Variants in GINS3 observed in about 807,000 individuals in gnomAD.
The protein encoded by GINS3 is GINS complex subunit 3, also known as DNA replication complex GINS protein PSF3.
A neutral mutation model predicts 20.0 loss-of-function variants in GINS3; 18 were observed. The ratio of observed to expected loss-of-function variants is 0.90; its 90% confidence interval spans 0.62 to 1.33. GINS3 has a LOEUF of 1.33. Ranked by LOEUF, GINS3 falls within the 40% of genes most tolerant of loss-of-function variation. The probability of loss-of-function intolerance (pLI) is 0.00; values close to 1 mark genes in which losing one functional copy is unlikely to be tolerated. For missense variants in GINS3, 254 were observed against 273.6 expected, an observed-to-expected ratio of 0.93 and a Z score of 0.51; for synonymous variants, 109 against 107.0, an observed-to-expected ratio of 1.02 and a Z score of -0.12.
intron 1 of GINS3, among the ~76,000 whole-genome samples, chr16:58,397,890 G>C (rs1384287218): frequency 8.5e-5 from 13 of 152,134 alleles, no homozygotes; most frequent in Non-Finnish European, 5.9e-5. Flanking sequence ...ACAATGTTCA[G>C]AATTTCCTTT....
chr16:58,404,504 T>C lies in GINS3; in HGVS notation c.426T>C (p.Phe142=), dbSNP rs774392699. The C allele has an allele frequency of 6.2e-7, 1 of 1,613,644 alleles. No homozygotes were observed. Among genetic ancestry groups the C allele is most frequent in the Admixed American group, 1.7e-5 (1 of 60,024 alleles). Residue 142 remains phenylalanine, a synonymous_variant, in exon 3 of 3, where the codon TTT becomes TTC. Coordinates refer to ENST00000318129, the MANE Select transcript of GINS3 (RefSeq NM_022770.4). ...CTTACTCCCTTGTTTCCCAGACTTT[T>C]ATCGGACGTTTTCGCCGCATCATGG... ...ADISQSLLQT[F]IGRFRRIMDS...
chr16:58,392,622 A>G lies in GINS3; in HGVS notation c.21A>G (p.Arg7=), dbSNP rs766810427. 1 of 1,614,024 alleles carries G rather than the reference A, an allele frequency of 6.2e-7. No homozygotes were observed. Among genetic ancestry groups the G allele is most frequent in the African/African-American group, 1.3e-5 (1 of 74,922 alleles). Residue 7 remains arginine, a synonymous_variant, in exon 1 of 3, where the codon CGA becomes CGG. Transcript: ENST00000318129. The part of the protein sequence containing the change: MSEAYF[R]VESGALGPEE... ...CCGCCATGTCAGAGGCTTATTTCCG[A>G]GTGGAGTCGGGTGCGCTGGGGCCTG...
At chr16:58,396,246 G>A (rs1317335455) in intron 1 of GINS3, among the ~76,000 whole-genome samples, 2 of 130,448 alleles carry the variant, frequency 1.5e-5, no homozygotes, top group African/African-American at 3.0e-5. Context: ...CAGACGGGGC[G>A]GCTGGCCGGG....
intron 1 of GINS3, among the ~76,000 whole-genome samples, chr16:58,398,143 C>T (rs1223475327): frequency 3.3e-5 from 5 of 152,126 alleles, no homozygotes; most frequent in African/African-American, 1.2e-4. Context: ...CCACCACACA[C>T]ACACACACAG....
At chr16:58,394,358 TG>T (rs987154842) in intron 1 of GINS3, among the ~76,000 whole-genome samples, 2 of 152,176 alleles carry the variant, frequency 1.3e-5, no homozygotes, top group Non-Finnish European at 1.5e-5. Context: ...TTTTTTTGTT[TG>T]TTTTTTTGAC....
intron 1 of GINS3, among the ~76,000 whole-genome samples, chr16:58,393,162 T>A (rs1303616986): frequency 6.6e-6 from 1 of 152,240 alleles, no homozygotes; most frequent in Non-Finnish European, 1.5e-5. Flanking sequence ...ATGTTTGCCT[T>A]AAAACAGCTT....
At chr16:58,396,757 G>C (rs1302912719) in intron 1 of GINS3, among the ~76,000 whole-genome samples, 2 of 120,858 alleles carry the variant, frequency 1.7e-5, no homozygotes, top group African/African-American at 3.3e-5. Context: ...CTGGCCGGGC[G>C]GGGGGCTGAC....
At position 58,404,839 on chromosome 16, in the gene GINS3, A is replaced by G. The variant is rs926886292; in HGVS notation, c.*110A>G. ...AGAATCCTGTCCCATTTCATGGCTT[A>G]TTTCCTGTGGCCATAGAGAATTATA... On this transcript the variant is annotated 3_prime_UTR_variant, in exon 3 of 3. Transcript: ENST00000318129. 1.3e-6 allele frequency: 1 copy of G among 760,266 alleles called. No individual in the cohort carries two copies. Among genetic ancestry groups the G allele is most frequent in the Non-Finnish European group, 2.2e-6 (1 of 457,238 alleles). The allele number at this position is 760,266 out of a possible 1,614,324, so 47.1% of individuals were successfully genotyped here. A position where few individuals can be genotyped will look rare whatever the true frequency, so the allele number is the denominator to read the frequency against.
At chr16:58,394,327 G>A (rs989916651) in intron 1 of GINS3, among the ~76,000 whole-genome samples, 2 of 151,888 alleles carry the variant, frequency 1.3e-5, no homozygotes, top group African/African-American at 2.4e-5. Flanking sequence ...TGGTTTGGGG[G>A]TAGTTTTGTT....
In GINS3 at chr16:58,398,902, A is replaced by G. The variant is rs552229136; in HGVS notation, c.187-4196A>G. ...TCTGTGTGGACTTGAAAAGATGTCT[A>G]TGGGAAGTCATAGTGTGCAATAAAT... is the stretch of plus-strand genomic sequence containing the variant. On this transcript the variant is annotated intron_variant, in intron 1 of 2. Coordinates refer to ENST00000318129, the MANE Select transcript of GINS3 (RefSeq NM_022770.4). Among the ~76,000 whole-genome samples the G allele has an allele frequency of 3.9e-5, 6 of 152,342 alleles. No individual in the cohort carries two copies. The South Asian group carries it at 8.3e-4, about 21-fold the overall frequency.
intron 1 of GINS3, among the ~76,000 whole-genome samples, chr16:58,398,451 T>A (rs1028408818): frequency 6.6e-6 from 1 of 151,814 alleles, no homozygotes; most frequent in Non-Finnish European, 1.5e-5. Flanking sequence ...CTACAAAAAA[T>A]TTTTTAAAAA....
At chr16:58,401,687 C>T (rs1036722248) in intron 1 of GINS3, among the ~76,000 whole-genome samples, 14 of 152,236 alleles carry the variant, frequency 9.2e-5, no homozygotes, top group African/African-American at 3.1e-4. Flanking sequence ...GAAGCCCAGC[C>T]GGCTTCACCT....
At chr16:58,395,882 G>T (rs1013289427) in intron 1 of GINS3, among the ~76,000 whole-genome samples, 18 of 151,908 alleles carry the variant, frequency 1.2e-4, no homozygotes, top group Admixed American at 1.3e-4. Flanking sequence ...CGGGCAGAGG[G>T]GCTCCTCACT....
chr16:58,405,791 C>T lies in GINS3; in HGVS notation c.*1062C>T, dbSNP rs1001083517. On this transcript the variant is annotated 3_prime_UTR_variant, in exon 3 of 3. Transcript: ENST00000318129. ...CAGGTTGAGAAAGAAACAGGGTTCC[C>T]TGGGCCCATTAGACTGTTTGCAGGG... is the stretch of plus-strand genomic sequence containing the variant. 2 of 152,166 alleles carry T rather than the reference C, an allele frequency of 1.3e-5. No homozygotes were observed. Among genetic ancestry groups the T allele is most frequent in the East Asian group, 3.9e-4 (2 of 5,192 alleles). The allele number at this position is 152,166 out of a possible 1,614,324, so 9.4% of individuals were successfully genotyped here.
At chr16:58,402,979 C>A in intron 1 of GINS3, 119 bp from the exon 2 acceptor site, 1 of 753,086 alleles carries the variant, frequency 1.3e-6, no homozygotes, top group Non-Finnish European at 2.2e-6. Context: ...CTGTGCTTGA[C>A]AGCCACTCCC....
At position 58,392,805 on chromosome 16, in the gene GINS3, G is replaced by A. The variant is rs765871438; in HGVS notation, c.186+18G>A. Reference sequence around the variant, plus strand: ...TCCCACAGGTGAGCCTTTGGGTGCGGGGTCCTGCCCGGAAAGACTGCAGCT... The same window carrying A: ...TCCCACAGGTGAGCCTTTGGGTGCGAGGTCCTGCCCGGAAAGACTGCAGCT... On this transcript the variant is annotated intron_variant, in intron 1 of 2. Coordinates refer to ENST00000318129, the MANE Select transcript of GINS3 (RefSeq NM_022770.4). 51 of 1,576,926 alleles carry A rather than the reference G, an allele frequency of 3.2e-5. No homozygotes were observed. The East Asian group carries it at 1.0e-3, about 31-fold the overall frequency.
chr16:58,396,881 G>GGCGGGGGGCTGACCCCCCC (rs1191728388), intron 1 of GINS3, among the ~76,000 whole-genome samples: 63 of 147,508 alleles, frequency 4.3e-4, no homozygotes, highest in African/African-American at 1.5e-3. Flanking sequence ...CGGCTGGCCG[G>GGCGGGGGGCTGACCCCCCC]GCGGGGGGCT....
At chr16:58,395,248 G>GTT in intron 1 of GINS3, 1 of 281,930 alleles carries the variant, frequency 3.5e-6, no homozygotes, top group Non-Finnish European at 6.0e-6. Flanking sequence ...GCTAATTTTT[G>GTT]TATTTTTTTT....
intron 1 of GINS3, chr16:58,394,952 GAGATTTGTGTAGGA>G (rs550047513): frequency 4.4e-4 from 164 of 376,678 alleles, no homozygotes; most frequent in African/African-American, 3.2e-3. Context: ...TTCTGCATGG[GAGATTTGTGTAGGA>G]AGGTTTGTAT....
Sources: allele counts gnomAD v4.1 joint callset (sites outside exome capture counted in the v4.1 genomes callset), GRCh38; gene constraint gnomAD v4.1.1; transcripts MANE v1.5; gene names NCBI Gene and HGNC (gene_info 2026-07-23, HGNC 2026-07-21).